The following TCF4 variants were observed in gnomAD, a reference collection of about 807,000 sequenced individuals.
TCF4 encodes transcription factor 4, also known as SL3-3 enhancer factor 2.
In TCF4, 3 loss-of-function variants were observed where a neutral mutation model predicts 82.1. The observed-to-expected ratio is 0.04, with a 90% confidence interval of 0.02 to 0.09. The LOEUF is 0.09. TCF4 is among the 10% of genes least tolerant of loss of function. The probability of loss-of-function intolerance (pLI) is 1.00; values close to 1 mark genes in which losing one functional copy is unlikely to be tolerated. For synonymous variants in TCF4, 276 were observed against 309.6 expected (o/e 0.89, Z 1.14); for missense variants, 518 against 852.7 (o/e 0.61, Z 4.89).
intron 5 of TCF4, among the ~76,000 whole-genome samples, chr18:55,443,847 T>C (rs2095481809): frequency 6.6e-6 from 1 of 152,086 alleles, no homozygotes; most frequent in Non-Finnish European, 1.5e-5. Flanking sequence ...CAGGGAAAAA[T>C]TACTGAGTGT....
upstream of TCF4, among the ~76,000 whole-genome samples, chr18:55,592,232 G>A (rs1250834159): frequency 6.6e-6 from 1 of 152,102 alleles, no homozygotes; most frequent in African/African-American, 2.4e-5. Flanking sequence ...TCATATAGAA[G>A]TATGTCTTAG....
chr18:55,450,670 A>G (rs2095606596), intron 5 of TCF4, among the ~76,000 whole-genome samples: 1 of 152,232 alleles, frequency 6.6e-6, no homozygotes, highest in Non-Finnish European at 1.5e-5. Flanking sequence ...TCCCATATAC[A>G]GAGGCAACAT....
chr18:55,600,210 T>C (rs988652874), intron 2 of TCF4, among the ~76,000 whole-genome samples: 3 of 152,200 alleles, frequency 2.0e-5, no homozygotes, highest in Admixed American at 1.3e-4. Context: ...CTTGTTTCTT[T>C]TGAATATGTA....
At chr18:55,589,624 G>A, upstream of TCF4, 6 of 1,043,554 alleles carry the variant, frequency 5.7e-6, no homozygotes, top group South Asian at 2.8e-4. Context: ...AATTCTTGTT[G>A]GTGATTTTTT....
intron 3 of TCF4, among the ~76,000 whole-genome samples, chr18:55,511,725 T>C (rs614669): frequency 6.6e-6 from 1 of 152,158 alleles, no homozygotes; most frequent in Non-Finnish European, 1.5e-5. Flanking sequence ...CCTGATTGAA[T>C]TGCATTTCTC....
chr18:55,227,991 G>T lies in TCF4; in HGVS notation c.*44C>A, dbSNP rs375952379. ...TTAAGATAATACAGCTGTTAAGGAA[G>T]TGGTCTCTTGTTTTAATGAAGCAAT... On this transcript the variant is annotated 3_prime_UTR_variant, in exon 20 of 20. Transcript: ENST00000354452. 3.8e-6 allele frequency: 2 copies of T among 522,708 alleles called. No individual in the cohort carries two copies. The highest frequency in any genetic ancestry group is 3.8e-5 in the African/African-American group (2 of 52,250). The allele number at this position is 522,708 out of a possible 1,614,324, so 32.4% of individuals were successfully genotyped here. A position where few individuals can be genotyped will look rare whatever the true frequency, so the allele number is the denominator to read the frequency against.
At chr18:55,405,750 T>C (rs1254731641) in intron 5 of TCF4, among the ~76,000 whole-genome samples, 4 of 151,380 alleles carry the variant, frequency 2.6e-5, no homozygotes, top group Admixed American at 6.6e-5. Context: ...GAGCAAGAGG[T>C]AGGAAAAGAA....
intron 3 of TCF4, among the ~76,000 whole-genome samples, chr18:55,558,349 T>C (rs2057181616): frequency 6.6e-6 from 1 of 152,184 alleles, no homozygotes; most frequent in Admixed American, 6.5e-5. Flanking sequence ...AGGAAAATCA[T>C]CATAAATCCA....
At chr18:55,403,433 G>A (rs377330400) in intron 6 of TCF4, 21 bp downstream of exon 6, 18 of 1,612,876 alleles carry the variant, frequency 1.1e-5, no homozygotes, top group African/African-American at 5.3e-5. Flanking sequence ...CAACCCTTCC[G>A]CAACAGAGAT....
In TCF4 at chr18:55,447,051, T is replaced by C. The variant is rs1390451374; in HGVS notation, c.304+13968A>G. ...CCAAGCTGGACACAGTGGCTCACACTTGTAATCTTTGGGAGGCTAAGGCAG... is the reference window on the plus strand; with the variant it reads ...CCAAGCTGGACACAGTGGCTCACACCTGTAATCTTTGGGAGGCTAAGGCAG... On this transcript the variant is annotated intron_variant, in intron 5 of 19. Transcript: ENST00000354452. Among the ~76,000 whole-genome samples the C allele has an allele frequency of 3.3e-5, 5 of 149,892 alleles. No homozygotes were observed. The East Asian group carries it at 9.8e-4, about 29-fold the overall frequency.
At chr18:55,514,768 A>G (rs2146360007) in intron 3 of TCF4, among the ~76,000 whole-genome samples, 1 of 152,284 alleles carries the variant, frequency 6.6e-6, no homozygotes, top group South Asian at 2.1e-4. Flanking sequence ...AAAGGAGCAC[A>G]CGTAAAAATA....
intron 6 of TCF4, among the ~76,000 whole-genome samples, chr18:55,399,290 T>C (rs918624804): frequency 2.0e-5 from 3 of 152,206 alleles, no homozygotes; most frequent in Non-Finnish European, 2.9e-5. Context: ...AGCAAGCCTA[T>C]GGGCAAACTA....
intron 3 of TCF4, among the ~76,000 whole-genome samples, chr18:55,556,145 C>T (rs1315923580): frequency 6.7e-6 from 1 of 149,328 alleles, no homozygotes; most frequent in East Asian, 1.9e-4. Flanking sequence ...ATACCTTTAT[C>T]TTTCAGTGTG....
intron 3 of TCF4, among the ~76,000 whole-genome samples, chr18:55,543,230 A>G (rs2097179267): frequency 6.6e-6 from 1 of 152,096 alleles, no homozygotes; most frequent in Non-Finnish European, 1.5e-5. Context: ...TTGCAGCTAT[A>G]TACCCTGAGG....
At chr18:55,545,586 T>C (rs891603170) in intron 3 of TCF4, among the ~76,000 whole-genome samples, 1 of 152,102 alleles carries the variant, frequency 6.6e-6, no homozygotes, top group East Asian at 1.9e-4. Context: ...GTAGCTGGGA[T>C]TACAGGTGCC....
intron 2 of TCF4, among the ~76,000 whole-genome samples, chr18:55,614,891 T>A (rs866649505): frequency 2.0e-5 from 3 of 152,188 alleles, no homozygotes; most frequent in Admixed American, 6.5e-5. Context: ...TCCACTTAAG[T>A]CTGTGACCCA....
intron 3 of TCF4, among the ~76,000 whole-genome samples, chr18:55,510,338 G>T (rs947394115): frequency 7.2e-5 from 11 of 152,080 alleles, no homozygotes; most frequent in Non-Finnish European, 1.6e-4. Context: ...GCAAAAAAAA[G>T]TTAGAGCTTA....
chr18:55,454,608 T>G (rs895913043), intron 5 of TCF4, among the ~76,000 whole-genome samples: 1 of 152,224 alleles, frequency 6.6e-6, no homozygotes, highest in Admixed American at 6.5e-5. Context: ...AAGGAATATC[T>G]ATTTTAGTTA....
At chr18:55,245,494 G>A (rs1190467464) in intron 15 of TCF4, among the ~76,000 whole-genome samples, 1 of 152,190 alleles carries the variant, frequency 6.6e-6, no homozygotes, top group African/African-American at 2.4e-5. Context: ...CGCTCTTCCT[G>A]TGGACTCTCA....
Sources: allele counts gnomAD v4.1 joint callset (sites outside exome capture counted in the v4.1 genomes callset), GRCh38; gene constraint gnomAD v4.1.1; transcripts MANE v1.5; gene names NCBI Gene and HGNC (gene_info 2026-07-23, HGNC 2026-07-21).